The following DMD variants were observed in gnomAD, a reference collection of about 807,000 sequenced individuals.
The protein encoded by DMD is dystrophin, also known as mutant dystrophin.
In DMD, 63 loss-of-function variants were observed where a neutral mutation model predicts 330.1. The observed-to-expected ratio is 0.19, with a 90% confidence interval of 0.16 to 0.24. The LOEUF (loss-of-function observed/expected upper bound fraction) is 0.24. DMD is among the 10% of genes least tolerant of loss of function. The pLI, the probability that DMD is intolerant of heterozygous loss-of-function variation, is 1.00. For missense variants in DMD, 3,344 were observed against 2,684.1 expected (o/e 1.25, Z -5.43); for synonymous variants, 1,223 against 959.8 (o/e 1.27, Z -5.07).
At chrX:32,015,540 C>T (rs898533569) in intron 44 of DMD, among the ~76,000 whole-genome samples, 2 of 111,630 alleles carry the variant, frequency 1.8e-5, no homozygotes, top group African/African-American at 6.5e-5. Flanking sequence ...GTGATGCTAA[C>T]GCTGCTGATC....
intron 1 of DMD, among the ~76,000 whole-genome samples, chrX:33,245,843 A>C (rs1037990166): frequency 8.9e-6 from 1 of 112,170 alleles, no homozygotes; most frequent in Non-Finnish European, 1.9e-5. Context: ...ACTGAATAAC[A>C]ATATGATCTA....
At chrX:32,109,923 C>A (rs147570284) in intron 44 of DMD, among the ~76,000 whole-genome samples, 1,351 of 111,543 alleles carry the variant, frequency 0.012, 20 homozygotes, top group African/African-American at 0.042. Flanking sequence ...AACTTCTTGA[C>A]AAACACACGT....
chrX:32,183,368 T>C (rs766032462), intron 44 of DMD, among the ~76,000 whole-genome samples: 154 of 107,987 alleles, frequency 1.4e-3, no homozygotes, highest in Non-Finnish European at 2.6e-3. Context: ...GCTAAGTAAA[T>C]GTTTGGATAA....
chrX:32,556,574 TAGACAAG>T (rs2050328481), intron 16 of DMD, among the ~76,000 whole-genome samples: 1 of 111,633 alleles, frequency 9.0e-6, no homozygotes, highest in Admixed American at 9.5e-5. Context: ...TCATCAATGA[TAGACAAG>T]ATAAAGAAAA....
At chrX:33,332,180 G>A (rs1356787965) in intron 1 of DMD, among the ~76,000 whole-genome samples, 1 of 111,161 alleles carries the variant, frequency 9.0e-6, no homozygotes, top group Non-Finnish European at 1.9e-5. Context: ...TTAAATTTGT[G>A]AAAACATATA....
At chrX:32,803,604 A>C (rs982542808) in intron 7 of DMD, among the ~76,000 whole-genome samples, 3 of 111,621 alleles carry the variant, frequency 2.7e-5, no homozygotes, top group African/African-American at 9.8e-5. Flanking sequence ...TAGTGCTATA[A>C]ATTTCCCTCT....
chrX:32,425,227 C>T (rs1200216955), intron 29 of DMD, among the ~76,000 whole-genome samples: 3 of 111,264 alleles, frequency 2.7e-5, no homozygotes, highest in Non-Finnish European at 5.7e-5. Flanking sequence ...TCCCAACCCC[C>T]TTTACCGTGC....
chrX:32,463,513 C>G lies in DMD; in HGVS notation c.3358G>C (p.Glu1120Gln). The change falls in exon 25 of 79, where the codon GAG becomes CAG. Residue 1120 changes from glutamate to glutamine, a missense_variant. Transcript: ENST00000357033. Reference protein sequence around the residue: ...EGGQKIKNEAEPEFASRLETE... With the variant: ...EGGQKIKNEAQPEFASRLETE... ...TCAAGTCTCGAAGCAAACTCTGGCT[C>G]TGCTTCATTCTTTATCTTCTGCCCA... 1 of 1,203,612 alleles carries G rather than the reference C, an allele frequency of 8.3e-7. No homozygotes were observed. The highest frequency in any genetic ancestry group is 1.1e-6 in the Non-Finnish European group (1 of 890,634).
chrX:33,298,883 C>T (rs1282652492), intron 1 of DMD, among the ~76,000 whole-genome samples: 1 of 111,620 alleles, frequency 9.0e-6, no homozygotes. Flanking sequence ...TCCGGCATGT[C>T]ACACAGCCAG....
At chrX:32,229,681 CAT>C (rs55916475) in intron 43 of DMD, among the ~76,000 whole-genome samples, 1,712 of 24,169 alleles carry the variant, frequency 0.071, 38 homozygotes, top group Middle Eastern at 0.12. Flanking sequence ...AGAGTTTCAT[CAT>C]ATATATATAT....
chrX:32,684,661 G>T (rs751983826), intron 9 of DMD, among the ~76,000 whole-genome samples: 2 of 110,866 alleles, frequency 1.8e-5, no homozygotes, highest in Admixed American at 9.6e-5. Context: ...CTGCCTATCT[G>T]GTAGTTAAAA....
At chrX:31,488,590 T>A (rs764003781) in intron 57 of DMD, among the ~76,000 whole-genome samples, 72 of 112,055 alleles carry the variant, frequency 6.4e-4, no homozygotes, top group African/African-American at 2.1e-3. Flanking sequence ...CCTCAGAATT[T>A]TCCTTGACTC....
intron 42 of DMD, among the ~76,000 whole-genome samples, chrX:32,291,296 G>A (rs2097466949): frequency 8.9e-6 from 1 of 111,797 alleles, no homozygotes; most frequent in Non-Finnish European, 1.9e-5. Context: ...CAACTGTTAT[G>A]ACTCCATGGA....
At chrX:32,736,535 G>C (rs2068510581) in intron 7 of DMD, among the ~76,000 whole-genome samples, 1 of 110,660 alleles carries the variant, frequency 9.0e-6, no homozygotes, top group Non-Finnish European at 1.9e-5. Flanking sequence ...AACAATGATA[G>C]AGTGGATTAA....
intron 17 of DMD, among the ~76,000 whole-genome samples, chrX:32,539,259 T>C (rs1197288565): frequency 1.8e-5 from 2 of 108,601 alleles, no homozygotes; most frequent in Non-Finnish European, 3.8e-5. Flanking sequence ...ACATAAAAAG[T>C]AACATGACAT....
chrX:33,223,079 G>A (rs937810361), intron 1 of DMD, among the ~76,000 whole-genome samples: 2 of 111,942 alleles, frequency 1.8e-5, no homozygotes, highest in Non-Finnish European at 3.8e-5. Context: ...GGAGGCCAAG[G>A]TGGGCAGATC....
intron 60 of DMD, among the ~76,000 whole-genome samples, chrX:31,369,609 G>A (rs769545072): frequency 7.2e-5 from 8 of 111,481 alleles, no homozygotes; most frequent in Non-Finnish European, 1.5e-4. Context: ...GGTGGATTGG[G>A]ACAAAAGGAG....
intron 11 of DMD, among the ~76,000 whole-genome samples, chrX:32,617,875 G>A (rs1212608581): frequency 1.8e-5 from 2 of 111,700 alleles, no homozygotes; most frequent in Non-Finnish European, 3.8e-5. Flanking sequence ...CAACTCCATA[G>A]CAAGAAAACA....
intron 7 of DMD, among the ~76,000 whole-genome samples, chrX:32,715,043 C>T (rs1181273454): frequency 1.8e-5 from 2 of 111,540 alleles, no homozygotes; most frequent in African/African-American, 6.5e-5. Flanking sequence ...TTAGATCTTT[C>T]AACTTGTTTA....
Sources: gnomAD v4.1 joint callset for allele counts (sites outside exome capture counted in the v4.1 genomes callset) on GRCh38, gnomAD v4.1.1 for gene constraint, MANE v1.5 for transcripts, NCBI Gene and HGNC (gene_info 2026-07-23, HGNC 2026-07-21) for gene names.